ZNF532: variants seen among roughly 807,000 people sequenced by gnomAD.
ZNF532 encodes the protein zinc finger protein 532.
ZNF532 carries 22 observed loss-of-function variants against 89.3 expected under a neutral mutation model. The observed-to-expected ratio is 0.25, with a 90% confidence interval of 0.18 to 0.35. The LOEUF (loss-of-function observed/expected upper bound fraction) is 0.35. Among genes scored for constraint, ZNF532 ranks in the 10% least tolerant of loss-of-function variants. The pLI is 1.00. For missense variants in ZNF532, 1,132 were observed against 1,643.4 expected (o/e 0.69, Z 5.38); for synonymous variants, 606 against 649.6 (o/e 0.93, Z 1.02).
At chr18:58,905,389 AT>A (rs1298845794) in intron 2 of ZNF532, among the ~76,000 whole-genome samples, 9 of 137,766 alleles carry the variant, frequency 6.5e-5, no homozygotes, top group Non-Finnish European at 9.3e-5. Flanking sequence ...CAGGTTCTCC[AT>A]TTTTTTTTCT....
intron 8 of ZNF532, chr18:58,980,104 C>G (rs957983924): frequency 2.6e-5 from 4 of 152,144 alleles, no homozygotes; most frequent in Non-Finnish European, 4.4e-5. Flanking sequence ...CAGTGCAGGC[C>G]AGATGGACCC....
intron 7 of ZNF532, among the ~76,000 whole-genome samples, chr18:58,956,194 G>A (rs2064757453): frequency 6.6e-6 from 1 of 152,246 alleles, no homozygotes; most frequent in South Asian, 2.1e-4. Flanking sequence ...CTGCAGCAGA[G>A]AGCCCACTCT....
Position 58,904,549 on chromosome 18 carries a change from C to T in ZNF532, c.-17-13722C>T, listed in dbSNP as rs191578550. 1.1e-3 allele frequency among the ~76,000 whole-genome samples: 164 copies of T among 152,114 alleles called. 3 individuals are homozygous for T. Among genetic ancestry groups the T allele is most frequent in the South Asian group, 2.1e-4 (1 of 4,810 alleles). ...GGAAGGAAAGGCTGGCATTGTTAGA[C>T]GATACCTGAAGGATGGAGAGAGAGA... On this transcript the variant is annotated intron_variant, in intron 2 of 9. Transcript: ENST00000591808.
At chr18:58,872,560 T>A (rs1171490420) in intron 2 of ZNF532, among the ~76,000 whole-genome samples, 1 of 152,200 alleles carries the variant, frequency 6.6e-6, no homozygotes, top group Non-Finnish European at 1.5e-5. Flanking sequence ...TGTAGTTATC[T>A]CATTTTCTAC....
chr18:58,972,860 T>C (rs1057203525), intron 7 of ZNF532, among the ~76,000 whole-genome samples: 11 of 152,366 alleles, frequency 7.2e-5, no homozygotes, highest in Admixed American at 5.2e-4. Context: ...AACCTGCCGA[T>C]GTTTTCCAAG....
In ZNF532 at chr18:58,948,055, C is replaced by A; in HGVS notation, c.2706-12C>A. On this transcript the variant is annotated splice_polypyrimidine_tract_variant and intron_variant, in intron 5 of 9. Coordinates refer to ENST00000591808, the MANE Select transcript of ZNF532 (RefSeq NM_001375912.1). ...CTGACTGACATGATCTCGCTGCACT[C>A]TTCTATTTTAGAATAATATATAAGT... The A allele has an allele frequency of 6.2e-7, 1 of 1,604,732 alleles. No individual in the cohort carries two copies. Among genetic ancestry groups the A allele is most frequent in the Non-Finnish European group, 8.5e-7 (1 of 1,176,118 alleles).
chr18:58,934,453 G>C lies in ZNF532; in HGVS notation c.2367G>C (p.Gln789His), dbSNP rs752178833. The C allele has an allele frequency of 5.0e-6, 8 of 1,613,788 alleles. No individual in the cohort carries two copies. The African/African-American group carries it at 6.7e-5, about 13-fold the overall frequency. ...TTTAGAAGACTTGCACTATCTGCCA[G>C]ATGCTGCTTCCTAACCAGTGCAGTT... ...TSGQKTCTIC[Q>H]MLLPNQCSYA... Residue 789 changes from glutamine (Q) to histidine (H), a missense_variant, in exon 4 of 10, where the codon CAG becomes CAC. Transcript: ENST00000591808.
rs200917297 is a variant in ZNF532 at position 58,904,479 on chromosome 18, C to T, written c.-17-13792C>T. 3.2e-4 allele frequency among the ~76,000 whole-genome samples: 48 copies of T among 152,066 alleles called. No homozygotes were observed. In the East Asian group the frequency reaches 3.7e-3, roughly 12 times the overall value. On this transcript the variant is annotated intron_variant, in intron 2 of 9. Coordinates refer to ENST00000591808, the MANE Select transcript of ZNF532 (RefSeq NM_001375912.1). ...AAGGGAAACGGTAGTTCCTATTTAT[C>T]GGTGTTAATTTTTAGAATTGAAACC...
At position 58,905,645 on chromosome 18, in the gene ZNF532, A is replaced by G. The variant is rs138509897; in HGVS notation, c.-17-12626A>G. ...AAACTTGTGAGCTCTTGGCCTCCCAACATGCTGGGATTATAGGTGTGAGCC... is the reference window on the plus strand; with the variant it reads ...AAACTTGTGAGCTCTTGGCCTCCCAGCATGCTGGGATTATAGGTGTGAGCC... On this transcript the variant is annotated intron_variant, in intron 2 of 9. Transcript: ENST00000591808. Among the ~76,000 whole-genome samples the G allele has an allele frequency of 5.3e-3, 808 of 152,166 alleles. 4 individuals carry two copies. Among genetic ancestry groups the G allele is most frequent in the African/African-American group, 0.018 (761 of 41,524 alleles).
chr18:58,945,306 A>G (rs1482361793), intron 5 of ZNF532, among the ~76,000 whole-genome samples: 2 of 152,164 alleles, frequency 1.3e-5, no homozygotes, highest in Non-Finnish European at 2.9e-5. Flanking sequence ...CCGTGATGCC[A>G]TGCTTTTCTC....
intron 4 of ZNF532, among the ~76,000 whole-genome samples, chr18:58,938,764 A>G (rs933823173): frequency 1.9e-4 from 29 of 152,326 alleles, no homozygotes; most frequent in African/African-American, 6.5e-4. Flanking sequence ...GATTTCTTCC[A>G]TTAGAAATGC....
chr18:58,932,855 C>T (rs767642966), intron 3 of ZNF532, among the ~76,000 whole-genome samples: 5 of 151,552 alleles, frequency 3.3e-5, no homozygotes, highest in Middle Eastern at 3.4e-3. Context: ...CATGCATGTA[C>T]GTGTGTATGT....
Position 58,919,076 on chromosome 18 carries a change from G to T in ZNF532, c.789G>T (p.Ser263=). 6.2e-7 allele frequency: 1 copy of T among 1,614,100 alleles called. No homozygotes were observed. Among genetic ancestry groups the T allele is most frequent in the Non-Finnish European group, 8.5e-7 (1 of 1,180,036 alleles). Residue 263 remains serine, a synonymous_variant, in exon 3 of 10, where the codon TCG becomes TCT. Transcript: ENST00000591808. This position sits in a 1 kb window ranked among gnomAD's most constrained non-coding sequence, Gnocchi z 6.1. ...LPSVAPSKTK[S]SSKLSSCIAA... ...GCGTTGCGCCATCAAAGACAAAGTC[G>T]TCCTCCAAGCTCTCGTCCTGCATCG...
intron 9 of ZNF532, among the ~76,000 whole-genome samples, chr18:58,983,488 A>G (rs1327206132): frequency 2.0e-5 from 3 of 151,954 alleles, no homozygotes; most frequent in Admixed American, 2.0e-4. Flanking sequence ...TGGCACTCAC[A>G]GCTTCCTATG....
At chr18:58,976,139 A>T (rs538157429) in intron 7 of ZNF532, among the ~76,000 whole-genome samples, 2 of 152,162 alleles carry the variant, frequency 1.3e-5, no homozygotes, top group Admixed American at 1.3e-4. Context: ...GGCAGGTTTG[A>T]TCTGGAAACT....
Position 58,919,978 on chromosome 18 carries a change from C to A in ZNF532, c.1691C>A (p.Pro564His). Residue 564 changes from proline (P) to histidine (H), a missense_variant, in exon 3 of 10, where the codon CCC (proline) becomes CAC (histidine). This residue lies in a region of ZNF532 where 97 missense variants were observed against 143.7 expected (regional missense o/e 0.68). Transcript: ENST00000591808. The surrounding 1 kb of genome is among the most constrained non-coding windows in gnomAD (Gnocchi z 6.1). ...ATCAATGCAGCAGCCTCGCAACCCC[C>A]CAAAAAGGTGTCTCGAGTCCAGGTG... is the stretch of plus-strand genomic sequence containing the variant. The part of the protein sequence containing the change: ...AIINAAASQP[P>H]KKVSRVQVVS... 2 of 1,613,754 alleles carry A rather than the reference C, an allele frequency of 1.2e-6. No homozygotes were observed. The highest frequency in any genetic ancestry group is 2.2e-5 in the East Asian group (1 of 44,864).
At chr18:58,904,088 T>C (rs551903276) in intron 2 of ZNF532, among the ~76,000 whole-genome samples, 51 of 152,326 alleles carry the variant, frequency 3.3e-4, no homozygotes, top group African/African-American at 1.2e-3. Context: ...TGGTGGTTCA[T>C]GCCTGTAATC....
At chr18:58,863,700 C>CG (rs1450421494), upstream of ZNF532, 1 of 151,894 alleles carries the variant, frequency 6.6e-6, no homozygotes, top group Non-Finnish European at 1.5e-5. Flanking sequence ...ATCCGAGCTG[C>CG]GGCCCAGACG....
In ZNF532 at chr18:58,984,632, A is replaced by G. The variant is rs548287931; in HGVS notation, c.*166A>G. ...CTCGTCGTATATATCCTCGATAAGT[A>G]TTAAAACAGTATTTGAGTTTAAAAG... On this transcript the variant is annotated 3_prime_UTR_variant, in exon 10 of 10. Transcript: ENST00000591808. 1 of 747,246 alleles carries G rather than the reference A, an allele frequency of 1.3e-6. No individual in the cohort carries two copies. Among genetic ancestry groups the G allele is most frequent in the East Asian group, 2.8e-5 (1 of 35,484 alleles). The allele number at this position is 747,246 out of a possible 1,614,324, so 46.3% of individuals were successfully genotyped here.
Sources: allele counts gnomAD v4.1 joint callset (sites outside exome capture counted in the v4.1 genomes callset), GRCh38; gene constraint gnomAD v4.1.1; regional missense constraint gnomAD v4.1.1; non-coding constraint Gnocchi (gnomAD v3.1); transcripts MANE v1.5; gene names NCBI Gene and HGNC (gene_info 2026-07-23, HGNC 2026-07-21).